SLC25A13: variants seen among roughly 807,000 people sequenced by gnomAD.
The protein encoded by SLC25A13 is solute carrier family 25 member 13, also known as electrogenic aspartate/glutamate antiporter SLC25A13, mitochondrial.
Under a neutral mutation model 85.5 loss-of-function variants are expected in SLC25A13, and 70 were observed. That is an observed-to-expected ratio of 0.82 (90% confidence interval 0.68 to 1.00). The LOEUF is 1.00. SLC25A13 is among the 50% of genes least tolerant of loss of function. SLC25A13 has a pLI of 0.00. For synonymous variants in SLC25A13, 259 were observed against 288.7 expected (o/e 0.90, Z 1.04); for missense variants, 765 against 819.8 (o/e 0.93, Z 0.82).
chr7:96,302,029 C>T lies in SLC25A13; in HGVS notation c.16-5078G>A, dbSNP rs151217481. Among the ~76,000 whole-genome samples the T allele has an allele frequency of 2.6e-5, 4 of 152,150 alleles. No individual in the cohort carries two copies. In the East Asian group the frequency reaches 7.7e-4, roughly 29 times the overall value. ...TAAATTTAGTATGGAAATTTCAGGT[C>T]GATTCAATGAGTCTATGCTCCACAG... On this transcript the variant is annotated intron_variant, in intron 1 of 17. Transcript: ENST00000265631.
At chr7:96,193,887 G>A (rs921352596) in intron 5 of SLC25A13, among the ~76,000 whole-genome samples, 4 of 152,178 alleles carry the variant, frequency 2.6e-5, no homozygotes, top group African/African-American at 9.7e-5. Flanking sequence ...ATCAGGGGAG[G>A]TAAACCTGTC....
chr7:96,215,249 G>C (rs6465491), intron 4 of SLC25A13, among the ~76,000 whole-genome samples: 80,978 of 151,910 alleles, frequency 0.53, 22,893 homozygotes, highest in Non-Finnish European at 0.62. Flanking sequence ...CAGGCGCTTT[G>C]ATACACCCAG....
chr7:96,260,340 A>C (rs913503404), intron 3 of SLC25A13, among the ~76,000 whole-genome samples: 1 of 152,226 alleles, frequency 6.6e-6, no homozygotes, highest in East Asian at 1.9e-4. Flanking sequence ...AAAGGACAAA[A>C]GAGATAATAT....
At chr7:96,142,345 G>A (rs1398955144) in intron 14 of SLC25A13, among the ~76,000 whole-genome samples, 5 of 152,168 alleles carry the variant, frequency 3.3e-5, no homozygotes, top group African/African-American at 1.2e-4. Flanking sequence ...ACTTACAAGT[G>A]AAAATGTGAT....
At chr7:96,150,697 C>T (rs1793001271) in intron 13 of SLC25A13, among the ~76,000 whole-genome samples, 1 of 152,068 alleles carries the variant, frequency 6.6e-6, no homozygotes, top group South Asian at 2.1e-4. Flanking sequence ...AGGGAAAAAG[C>T]GGCTATCTAC....
intron 14 of SLC25A13, among the ~76,000 whole-genome samples, chr7:96,144,614 T>C (rs748660584): frequency 4.6e-5 from 7 of 152,198 alleles, no homozygotes; most frequent in Non-Finnish European, 1.0e-4. Flanking sequence ...AGGAAAGCAA[T>C]TTTAGCACAA....
chr7:96,229,371 G>A (rs1041214081), intron 4 of SLC25A13, among the ~76,000 whole-genome samples: 10 of 152,082 alleles, frequency 6.6e-5, no homozygotes, highest in Non-Finnish European at 1.3e-4. Flanking sequence ...TGTCAAAATG[G>A]ACCAATCAGC....
At chr7:96,314,310 C>A (rs1177651692) in intron 1 of SLC25A13, among the ~76,000 whole-genome samples, 1 of 151,986 alleles carries the variant, frequency 6.6e-6, no homozygotes, top group African/African-American at 2.4e-5. Flanking sequence ...GAGGACAAGC[C>A]AACAGGTTTA....
chr7:96,169,820 C>G, intron 13 of SLC25A13: 1 of 564,868 alleles, frequency 1.8e-6, no homozygotes, highest in East Asian at 2.8e-5. Flanking sequence ...TAAGCAATGA[C>G]GAATTTAACA....
chr7:96,286,170 G>C (rs1320782108), intron 2 of SLC25A13, among the ~76,000 whole-genome samples: 3 of 151,690 alleles, frequency 2.0e-5, no homozygotes, highest in African/African-American at 7.3e-5. Context: ...TGTAGTCCCA[G>C]CTACTTGGGA....
At chr7:96,219,598 G>A in intron 4 of SLC25A13, 5 of 479,884 alleles carry the variant, frequency 1.0e-5, no homozygotes, top group South Asian at 7.8e-5. Context: ...ATTTGAAGTA[G>A]GAACTACATT....
intron 1 of SLC25A13, among the ~76,000 whole-genome samples, chr7:96,310,036 G>A (rs1799896350): frequency 6.6e-6 from 1 of 152,164 alleles, no homozygotes; most frequent in South Asian, 2.1e-4. Flanking sequence ...GAAGGCCTCA[G>A]GAGAAACCAA....
In SLC25A13 at chr7:96,321,941, C is replaced by A; in HGVS notation, c.15+1G>T. On this transcript the variant is annotated splice_donor_variant, in intron 1 of 17. Transcript: ENST00000265631. LOFTEE classifies it high-confidence loss of function. Reference sequence around the variant, plus strand: ...CCCCCCGGCCTCGGGCCCGCGGTTACCTTGGCGGCCGCCATGATTCGCCCC... The same window carrying A: ...CCCCCCGGCCTCGGGCCCGCGGTTAACTTGGCGGCCGCCATGATTCGCCCC... 6.5e-7 allele frequency: 1 copy of A among 1,538,706 alleles called. No homozygotes were observed. The highest frequency in any genetic ancestry group is 8.7e-7 in the Non-Finnish European group (1 of 1,145,336).
chr7:96,139,509 G>A (rs1488649287), intron 14 of SLC25A13, among the ~76,000 whole-genome samples: 1 of 151,954 alleles, frequency 6.6e-6, no homozygotes, highest in African/African-American at 2.4e-5. Context: ...GACTCCTTGA[G>A]GTATACTTGA....
intron 13 of SLC25A13, among the ~76,000 whole-genome samples, chr7:96,160,659 C>A (rs1472476530): frequency 6.6e-6 from 1 of 152,166 alleles, no homozygotes. Context: ...GACCTAATCA[C>A]CCCCAAAGGT....
At chr7:96,128,939 G>GCTCTCTCGCTCTCT (rs1791871399) in intron 15 of SLC25A13, among the ~76,000 whole-genome samples, 2 of 81,850 alleles carry the variant, frequency 2.4e-5, no homozygotes, top group African/African-American at 8.6e-5. Flanking sequence ...TGCCTTGCTT[G>GCTCTCTCGCTCTCT]CTCTCTCTCT....
At chr7:96,313,900 C>T (rs1389519389) in intron 1 of SLC25A13, among the ~76,000 whole-genome samples, 1 of 152,086 alleles carries the variant, frequency 6.6e-6, no homozygotes, top group Non-Finnish European at 1.5e-5. Context: ...AGTGCTGGAC[C>T]TACATATACC....
In SLC25A13 at chr7:96,202,697, T is replaced by C. The variant is rs577711897; in HGVS notation, c.468+6141A>G. Among the ~76,000 whole-genome samples, 34 of 152,228 alleles carry C rather than the reference T, an allele frequency of 2.2e-4. 1 individual carries two copies. The South Asian group carries it at 6.4e-3, about 29-fold the overall frequency. ...GTAGGTAGGGTCCTACAGTAAATCA[T>C]CTCAACACCAAAGAATTGAAAAGAG... On this transcript the variant is annotated intron_variant, in intron 5 of 17. Coordinates refer to ENST00000265631, the MANE Select transcript of SLC25A13 (RefSeq NM_014251.3).
chr7:96,286,660 C>T (rs1439974639), intron 2 of SLC25A13, among the ~76,000 whole-genome samples: 2 of 152,184 alleles, frequency 1.3e-5, no homozygotes, highest in Non-Finnish European at 2.9e-5. Context: ...CACTTACACA[C>T]AGTTCTCACT....
Sources: allele counts gnomAD v4.1 joint callset (sites outside exome capture counted in the v4.1 genomes callset), GRCh38; gene constraint gnomAD v4.1.1; transcripts MANE v1.5; gene names NCBI Gene and HGNC (gene_info 2026-07-23, HGNC 2026-07-21).